Variants in MACROD2 observed in about 807,000 individuals in gnomAD.
MACROD2 encodes the protein ADP-ribose glycohydrolase MACROD2.
A neutral mutation model predicts 70.4 loss-of-function variants in MACROD2; 36 were observed. That is an observed-to-expected ratio of 0.51 (90% CI 0.39 to 0.68). The LOEUF (loss-of-function observed/expected upper bound fraction) is 0.68, where lower values mean the gene tolerates loss of function less well. Among genes scored for constraint, MACROD2 ranks in the 30% least tolerant of loss-of-function variants. The probability of loss-of-function intolerance (pLI) is 0.00; values close to 1 mark genes in which losing one functional copy is unlikely to be tolerated. For synonymous variants in MACROD2, 172 were observed against 178.8 expected, an observed-to-expected ratio of 0.96 and a Z score of 0.30; for missense variants, 496 against 538.4, an observed-to-expected ratio of 0.92 and a Z score of 0.78.
intron 8 of MACROD2, among the ~76,000 whole-genome samples, chr20:15,541,614 G>A (rs1297336808): frequency 6.6e-6 from 1 of 152,112 alleles, no homozygotes; most frequent in African/African-American, 2.4e-5. Flanking sequence ...GTTTTCTTCA[G>A]AAAACTGGAA....
At chr20:15,015,434 G>C (rs1306138092) in intron 5 of MACROD2, among the ~76,000 whole-genome samples, 1 of 147,740 alleles carries the variant, frequency 6.8e-6, no homozygotes, top group African/African-American at 2.5e-5. Context: ...AAGTCTGGTT[G>C]TTAATTTTTT....
intron 6 of MACROD2, among the ~76,000 whole-genome samples, chr20:15,306,158 C>G (rs981820180): frequency 1.1e-4 from 17 of 152,148 alleles, no homozygotes; most frequent in African/African-American, 3.9e-4. Context: ...ATAGTTATTA[C>G]CTGACAGTGT....
chr20:15,645,703 C>A (rs1042983434), intron 8 of MACROD2, among the ~76,000 whole-genome samples: 1 of 152,176 alleles, frequency 6.6e-6, no homozygotes, highest in Non-Finnish European at 1.5e-5. Flanking sequence ...TAAAAAGATA[C>A]TCTTACTTAT....
chr20:15,335,193 G>T (rs2078034934), intron 6 of MACROD2, among the ~76,000 whole-genome samples: 1 of 151,712 alleles, frequency 6.6e-6, no homozygotes, highest in Admixed American at 6.6e-5. Flanking sequence ...ACAGTGGCAG[G>T]GACTTAGTTT....
chr20:14,036,236 T>C (rs2148636099), intron 2 of MACROD2, among the ~76,000 whole-genome samples: 1 of 152,366 alleles, frequency 6.6e-6, no homozygotes, highest in South Asian at 2.1e-4. Flanking sequence ...AAGTAGCCTT[T>C]ACTTGTCTTC....
intron 3 of MACROD2, among the ~76,000 whole-genome samples, chr20:14,115,393 A>G (rs925367551): frequency 1.3e-5 from 2 of 152,174 alleles, no homozygotes; most frequent in East Asian, 1.9e-4. Context: ...TGTCCCATGT[A>G]CTATGCAAAT....
At chr20:15,062,687 G>A (rs2075542448) in intron 5 of MACROD2, among the ~76,000 whole-genome samples, 2 of 152,074 alleles carry the variant, frequency 1.3e-5, no homozygotes, top group South Asian at 4.1e-4. Context: ...AATACTATAG[G>A]TCAGACATAG....
At chr20:15,041,706 A>G (rs1293390683) in intron 5 of MACROD2, among the ~76,000 whole-genome samples, 3 of 152,122 alleles carry the variant, frequency 2.0e-5, no homozygotes, top group Non-Finnish European at 4.4e-5. Flanking sequence ...GGCCTCCCAA[A>G]GTGCTGGGAT....
chr20:15,102,010 A>G (rs2123196303), intron 5 of MACROD2, among the ~76,000 whole-genome samples: 1 of 152,168 alleles, frequency 6.6e-6, no homozygotes, highest in African/African-American at 2.4e-5. Flanking sequence ...ACATGCACAA[A>G]ATGCTCAAAT....
chr20:14,188,971 A>C (rs1400258306), intron 3 of MACROD2, among the ~76,000 whole-genome samples: 3 of 152,156 alleles, frequency 2.0e-5, no homozygotes, highest in African/African-American at 7.2e-5. Flanking sequence ...CACTTAATGC[A>C]GTAGATTGTT....
intron 10 of MACROD2, among the ~76,000 whole-genome samples, chr20:15,922,179 C>A (rs989769825): frequency 3.9e-5 from 6 of 152,194 alleles, no homozygotes; most frequent in African/African-American, 1.4e-4. Context: ...GCTGTGGCTA[C>A]AATATCCATC....
At chr20:14,619,974 A>G (rs564090957) in intron 4 of MACROD2, among the ~76,000 whole-genome samples, 1 of 152,274 alleles carries the variant, frequency 6.6e-6, no homozygotes, top group South Asian at 2.1e-4. Flanking sequence ...GGCTTTTAAC[A>G]CATATCTTTG....
chr20:14,576,203 A>T (rs1433593631), intron 4 of MACROD2, among the ~76,000 whole-genome samples: 1 of 152,196 alleles, frequency 6.6e-6, no homozygotes, highest in Non-Finnish European at 1.5e-5. Flanking sequence ...GATGACACAG[A>T]GAGGTTTATG....
Position 14,835,001 on chromosome 20 carries a change from G to C in MACROD2, c.418+150042G>C, listed in dbSNP as rs1251555793. ...TGTATATATGTTTGAGTGAGTGAAT[G>C]ATTGAGAAACAGATAGATTCATCAA... On this transcript the variant is annotated intron_variant, in intron 5 of 17. Transcript: ENST00000684519. 2.0e-5 allele frequency among the ~76,000 whole-genome samples: 3 copies of C among 152,062 alleles called. No homozygotes were observed. The East Asian group carries it at 5.8e-4, about 29-fold the overall frequency.
chr20:15,070,629 G>A (rs1297257996), intron 5 of MACROD2, among the ~76,000 whole-genome samples: 1 of 151,978 alleles, frequency 6.6e-6, no homozygotes, highest in African/African-American at 2.4e-5. Context: ...CACCTCCTCC[G>A]CTCTCTTTTG....
At chr20:15,437,382 C>A (rs550948705) in intron 7 of MACROD2, among the ~76,000 whole-genome samples, 1 of 152,266 alleles carries the variant, frequency 6.6e-6, no homozygotes, top group South Asian at 2.1e-4. Context: ...AAACTTACTC[C>A]TTAACACCTC....
At chr20:14,623,401 C>T (rs750170972) in intron 4 of MACROD2, among the ~76,000 whole-genome samples, 7 of 152,056 alleles carry the variant, frequency 4.6e-5, no homozygotes, top group Middle Eastern at 3.2e-3. Flanking sequence ...AGTTTATGAA[C>T]GTGGGATCAC....
intron 5 of MACROD2, among the ~76,000 whole-genome samples, chr20:15,017,309 A>G (rs1360738327): frequency 2.6e-5 from 4 of 152,198 alleles, no homozygotes; most frequent in Non-Finnish European, 4.4e-5. Flanking sequence ...AAGCTCCAAA[A>G]TGATCTCTTT....
At position 15,492,329 on chromosome 20, in the gene MACROD2, C is replaced by T. The variant is rs79321854; in HGVS notation, c.572-7445C>T. 1.5e-4 allele frequency among the ~76,000 whole-genome samples: 21 copies of T among 140,654 alleles called. No homozygotes were observed. In the Admixed American group the frequency reaches 1.5e-3, roughly 10 times the overall value. The allele number at this position is 140,654 out of a possible 152,430, so 92.3% of individuals were successfully genotyped here. A position where few individuals can be genotyped will look rare whatever the true frequency, so the allele number is the denominator to read the frequency against. ...AGATTAAAAAAAAAAAATGTATTGC[C>T]CAGTACCTGCCATCACATCCTCCAT... On this transcript the variant is annotated intron_variant, in intron 7 of 17. Coordinates refer to ENST00000684519, the MANE Select transcript of MACROD2 (RefSeq NM_001351661.2).
Sources: allele counts gnomAD v4.1 joint callset (sites outside exome capture counted in the v4.1 genomes callset), GRCh38; gene constraint gnomAD v4.1.1; transcripts MANE v1.5; gene names NCBI Gene and HGNC (gene_info 2026-07-23, HGNC 2026-07-21).